SEMA3A: variants seen among roughly 807,000 people sequenced by gnomAD.
SEMA3A encodes the protein semaphorin 3A.
SEMA3A carries 29 observed loss-of-function variants against 97.9 expected under a neutral mutation model. The observed-to-expected ratio is 0.30, with a 90% CI of 0.22 to 0.40. The LOEUF (loss-of-function observed/expected upper bound fraction) is 0.40, where lower values mean the gene tolerates loss of function less well. Ranked by LOEUF, SEMA3A falls within the 10% of genes least tolerant of loss-of-function variation. The pLI is 1.00. For missense variants in SEMA3A, 763 were observed against 951.3 expected (o/e 0.80, Z 2.60); for synonymous variants, 321 against 323.7 (o/e 0.99, Z 0.09).
At chr7:84,178,758 G>T (rs571608383) in intron 1 of SEMA3A, among the ~76,000 whole-genome samples, 21 of 152,164 alleles carry the variant, frequency 1.4e-4, no homozygotes, top group Non-Finnish European at 2.4e-4. Context: ...CTTTTGTGAC[G>T]TCCTTTGTTT....
chr7:84,138,104 T>C (rs1321213690), intron 1 of SEMA3A, among the ~76,000 whole-genome samples: 1 of 152,202 alleles, frequency 6.6e-6, no homozygotes, highest in Non-Finnish European at 1.5e-5. Context: ...TAGTAAGCAC[T>C]CAATTAAATA....
chr7:84,054,917 C>T (rs961561857), intron 5 of SEMA3A, among the ~76,000 whole-genome samples: 35 of 151,972 alleles, frequency 2.3e-4, no homozygotes, highest in South Asian at 1.3e-3. Context: ...AGTTTTCCTT[C>T]TAACAGACAG....
At chr7:84,287,340 T>A (rs1208682244) in intron 3 of SEMA3A, among the ~76,000 whole-genome samples, 1 of 152,116 alleles carries the variant, frequency 6.6e-6, no homozygotes, top group Non-Finnish European at 1.5e-5. Flanking sequence ...CTCCCATTTT[T>A]AAAAATTTTT....
intron 4 of SEMA3A, among the ~76,000 whole-genome samples, chr7:84,094,559 T>A (rs1033114169): frequency 6.6e-6 from 1 of 152,142 alleles, no homozygotes; most frequent in Non-Finnish European, 1.5e-5. Context: ...CATATGTGCA[T>A]GTCATCTGCT....
chr7:84,353,177 C>A (rs750034418), intron 2 of SEMA3A, among the ~76,000 whole-genome samples: 16 of 151,556 alleles, frequency 1.1e-4, no homozygotes, highest in Non-Finnish European at 2.2e-4. Flanking sequence ...AAAATAATGA[C>A]AAGAAAAATG....
At chr7:84,484,406 A>C (rs1039669542) in intron 1 of SEMA3A, among the ~76,000 whole-genome samples, 1 of 151,714 alleles carries the variant, frequency 6.6e-6, no homozygotes, top group African/African-American at 2.4e-5. Context: ...CTTTTTTTTT[A>C]AATTATAGAG....
intron 1 of SEMA3A, among the ~76,000 whole-genome samples, chr7:84,398,594 C>T (rs1336391673): frequency 6.6e-6 from 1 of 151,566 alleles, no homozygotes; most frequent in African/African-American, 2.4e-5. Flanking sequence ...TCTGTCTCTA[C>T]AATTTTTTTT....
intron 3 of SEMA3A, among the ~76,000 whole-genome samples, chr7:84,237,289 T>C (rs1799257559): frequency 6.6e-6 from 1 of 152,144 alleles, no homozygotes; most frequent in Admixed American, 6.6e-5. Flanking sequence ...AAATTTAAGA[T>C]TAAGATTTGA....
intron 5 of SEMA3A, among the ~76,000 whole-genome samples, chr7:84,054,139 CTTAATA>C (rs1453337608): frequency 6.6e-6 from 1 of 152,090 alleles, no homozygotes; most frequent in Non-Finnish European, 1.5e-5. Flanking sequence ...TCTGGCTGCC[CTTAATA>C]TTTTTTCCTT....
chr7:83,977,209 C>CAT lies in SEMA3A; in HGVS notation c.1653-15_1653-14dup. ...TCGTCTTGTGCGTCTGAAGCAATTA[C>CAT]ATTTAAAAGGTGTTATTGTATCCTT... On this transcript the variant is annotated splice_polypyrimidine_tract_variant and intron_variant, in intron 14 of 16. Coordinates refer to ENST00000265362, the MANE Select transcript of SEMA3A (RefSeq NM_006080.3). 6.6e-7 allele frequency: 1 copy of CAT among 1,519,816 alleles called. No homozygotes were observed. 94.1% of individuals were successfully genotyped at this position (1,519,816 alleles called of 1,614,324 possible).
intron 7 of SEMA3A, among the ~76,000 whole-genome samples, chr7:84,013,091 A>G (rs1337624039): frequency 2.6e-5 from 4 of 152,106 alleles, no homozygotes; most frequent in Non-Finnish European, 5.9e-5. Context: ...AAAGAAACAG[A>G]TTTTTTAAAT....
At position 84,296,820 on chromosome 7, in the gene SEMA3A, T is replaced by TA. The variant is rs549923251; in HGVS notation, c.-83+10386dup. ...CTTTTAAAATGTCATTATTATTTTA[T>TA]AAAAAAAATGTTTTTATGGCAAAAT... On this transcript the variant is annotated intron_variant, in intron 3 of 3. Coordinates refer to the SEMA3A transcript ENST00000424555. 3.5e-3 allele frequency among the ~76,000 whole-genome samples: 528 copies of TA among 152,026 alleles called. 3 individuals carry two copies. Among genetic ancestry groups the TA allele is most frequent in the Non-Finnish European group, 5.5e-3 (377 of 67,970 alleles).
intron 1 of SEMA3A, among the ~76,000 whole-genome samples, chr7:84,378,965 C>T (rs778072684): frequency 6.6e-6 from 1 of 151,666 alleles, no homozygotes; most frequent in South Asian, 2.1e-4. Context: ...CTTGCTCTGT[C>T]GCCCAGGCTG....
intron 3 of SEMA3A, chr7:84,307,090 T>A (rs1157421356): frequency 6.6e-6 from 1 of 152,056 alleles, no homozygotes; most frequent in Non-Finnish European, 1.5e-5. Context: ...AAAAAGAAAG[T>A]GCTCTTAATT....
rs903129959 is a variant in SEMA3A at position 84,266,898 on chromosome 7, A to T, written c.-83+40309T>A. On this transcript the variant is annotated intron_variant, in intron 3 of 3. Coordinates refer to the SEMA3A transcript ENST00000424555. ...TATCATTATTATAGACACAATAGAG[A>T]TTATAAGTGAAATAATAGTCAAATT... Among the ~76,000 whole-genome samples, 7 of 152,192 alleles carry T rather than the reference A, an allele frequency of 4.6e-5. No individual in the cohort carries two copies. The East Asian group carries it at 1.2e-3, about 25-fold the overall frequency.
At chr7:84,321,439 A>G (rs1216886563) in intron 2 of SEMA3A, among the ~76,000 whole-genome samples, 1 of 152,218 alleles carries the variant, frequency 6.6e-6, no homozygotes, top group Non-Finnish European at 1.5e-5. Context: ...AGCAATAAGC[A>G]TAAGAAAGTA....
intron 2 of SEMA3A, among the ~76,000 whole-genome samples, chr7:84,312,896 AT>A (rs1467060311): frequency 3.5e-5 from 2 of 56,418 alleles, no homozygotes; most frequent in Admixed American, 1.8e-4. Flanking sequence ...ATATATATAT[AT>A]ATATATATAT....
intron 2 of SEMA3A, among the ~76,000 whole-genome samples, chr7:84,337,338 T>G (rs754965737): frequency 6.6e-6 from 1 of 152,122 alleles, no homozygotes; most frequent in Admixed American, 6.6e-5. Flanking sequence ...TATACATAAA[T>G]GCACAAAAAA....
chr7:84,373,016 C>A (rs189605580), intron 1 of SEMA3A, among the ~76,000 whole-genome samples: 1 of 152,318 alleles, frequency 6.6e-6, no homozygotes, highest in Admixed American at 6.5e-5. Context: ...TTGTATGTTT[C>A]CATTCGCTCT....
Sources: allele counts gnomAD v4.1 joint callset (sites outside exome capture counted in the v4.1 genomes callset), GRCh38; gene constraint gnomAD v4.1.1; transcripts MANE v1.5; gene names NCBI Gene and HGNC (gene_info 2026-07-23, HGNC 2026-07-21).